Variants in HIBCH observed in about 807,000 individuals in gnomAD.
HIBCH encodes 3-hydroxyisobutyryl-CoA hydrolase.
HIBCH carries 50 observed loss-of-function variants against 58.2 expected under a neutral mutation model. The observed-to-expected ratio is 0.86, with a 90% CI of 0.68 to 1.09. The LOEUF is 1.09. HIBCH is among the 50% of genes least tolerant of loss of function. The probability of loss-of-function intolerance (pLI) is 0.00; values close to 1 mark genes in which losing one functional copy is unlikely to be tolerated. For missense variants in HIBCH, 450 were observed against 449.7 expected, an observed-to-expected ratio of 1.00 and a Z score of -0.01; for synonymous variants, 151 against 146.9, an observed-to-expected ratio of 1.03 and a Z score of -0.20.
intron 11 of HIBCH, among the ~76,000 whole-genome samples, chr2:190,234,198 G>A (rs1033334176): frequency 1.2e-4 from 18 of 152,276 alleles, no homozygotes; most frequent in African/African-American, 3.4e-4. Context: ...GTGAGAATGC[G>A]GAGCAACTAG....
chr2:190,203,964 AC>A lies in HIBCH; in HGVS notation c.*1152del, dbSNP rs1415604034. On this transcript the variant is annotated 3_prime_UTR_variant, in exon 14 of 14. Coordinates refer to ENST00000359678, the MANE Select transcript of HIBCH (RefSeq NM_014362.4). ...TTTTGTTTATAAACAAAAATTACAA[AC>A]AAAAAATTATAAATTTTGTTTGTTA... 1 of 152,082 alleles carries A rather than the reference AC, an allele frequency of 6.6e-6. No homozygotes were observed. The highest frequency in any genetic ancestry group is 2.4e-5 in the African/African-American group (1 of 41,454). The allele number at this position is 152,082 out of a possible 1,614,324, so 9.4% of individuals were successfully genotyped here. A position where few individuals can be genotyped will look rare whatever the true frequency, so the allele number is the denominator to read the frequency against.
downstream of HIBCH, chr2:190,201,444 A>ATTAT (rs1320980729): frequency 6.0e-6 from 1 of 167,054 alleles, no homozygotes; most frequent in Non-Finnish European, 1.5e-5. Flanking sequence ...TGGAAAGGAA[A>ATTAT]TTATTTAAGC....
intron 6 of HIBCH, among the ~76,000 whole-genome samples, chr2:190,266,149 A>C (rs1687229043): frequency 6.6e-6 from 1 of 152,174 alleles, no homozygotes; most frequent in Middle Eastern, 3.2e-3. Context: ...ATCCTTTAAA[A>C]TATATTAAGA....
At chr2:190,287,683 C>A in intron 5 of HIBCH, 45 bp from the exon 6 acceptor site, 2 of 1,403,276 alleles carry the variant, frequency 1.4e-6, no homozygotes, top group Non-Finnish European at 2.0e-6. Context: ...GTTTAAAATA[C>A]ATTCCCTTTT....
chr2:190,208,708 T>C, intron 13 of HIBCH, 172 bp downstream of exon 13: 2 of 644,262 alleles, frequency 3.1e-6, no homozygotes, highest in Non-Finnish European at 5.6e-6. Flanking sequence ...ATTTGCATTA[T>C]ACTTATGGTC....
rs1404441054 is a variant in HIBCH, at chr2:190,211,829, A to G, written c.1011+1127T>C. Among the ~76,000 whole-genome samples, 1 of 152,234 alleles carries G rather than the reference A, an allele frequency of 6.6e-6. No homozygotes were observed. Among genetic ancestry groups the G allele is most frequent in the African/African-American group, 2.4e-5 (1 of 41,468 alleles). ...TCTTATTCAACAATATAAGGCTAAC[A>G]CTGAGCACAGTGCCTGGGACATAGC... On this transcript the variant is annotated intron_variant, in intron 12 of 13. Transcript: ENST00000359678. This position sits in a 1 kb window ranked among gnomAD's most constrained non-coding sequence, Gnocchi z 5.0.
chr2:190,250,396 G>T, intron 8 of HIBCH: 1 of 469,640 alleles, frequency 2.1e-6, no homozygotes. Flanking sequence ...TCTGCCAGAT[G>T]AGAGAGATGG....
chr2:190,255,978 C>A (rs1021661715), intron 7 of HIBCH, among the ~76,000 whole-genome samples: 4 of 152,050 alleles, frequency 2.6e-5, no homozygotes. Context: ...AGGAAACTTA[C>A]GATCATGGCA....
rs112045309 is a variant in HIBCH, at chr2:190,296,277, G to A, written c.219+536C>T. Among the ~76,000 whole-genome samples, 833 of 152,208 alleles carry A rather than the reference G, an allele frequency of 5.5e-3. 5 individuals carry two copies. Among genetic ancestry groups the A allele is most frequent in the African/African-American group, 0.019 (786 of 41,528 alleles). ...CTACTAAAAATACAAAAAATTAGCC[G>A]GGTGTGGTGGCGGGCACCTGTAGTC... is the stretch of plus-strand genomic sequence containing the variant. On this transcript the variant is annotated intron_variant, in intron 3 of 13. Coordinates refer to ENST00000359678, the MANE Select transcript of HIBCH (RefSeq NM_014362.4).
At chr2:190,196,115 T>C (rs925970834) in intron 1 of HIBCH, among the ~76,000 whole-genome samples, 2 of 152,086 alleles carry the variant, frequency 1.3e-5, no homozygotes, top group Admixed American at 1.3e-4. Context: ...GGCTTTTTCA[T>C]ATGTTGGTTT....
At chr2:190,314,341 ATATATGTG>A (rs1208226827) in intron 1 of HIBCH, among the ~76,000 whole-genome samples, 7 of 47,848 alleles carry the variant, frequency 1.5e-4, no homozygotes, top group Non-Finnish European at 3.0e-4. Flanking sequence ...ATATATACAT[ATATATGTG>A]TATATATACG....
At chr2:190,194,477 T>TACACACACACACACACACACAC (rs3083429) in intron 1 of HIBCH, among the ~76,000 whole-genome samples, 2 of 141,370 alleles carry the variant, frequency 1.4e-5, no homozygotes, top group South Asian at 2.3e-4. Context: ...ATCCTGTGTA[T>TACACACACACACACACACACAC]ACACACACAC....
At chr2:190,196,668 A>C (rs1689993603) in intron 1 of HIBCH, among the ~76,000 whole-genome samples, 1 of 151,728 alleles carries the variant, frequency 6.6e-6, no homozygotes, top group Non-Finnish European at 1.5e-5. Flanking sequence ...GTATTGTTTT[A>C]TTTCTTGTTA....
At chr2:190,240,193 T>C (rs1161198441) in intron 11 of HIBCH, among the ~76,000 whole-genome samples, 1 of 152,224 alleles carries the variant, frequency 6.6e-6, no homozygotes, top group Non-Finnish European at 1.5e-5. Context: ...TATTGGTCTA[T>C]TTAGGGATTT....
intron 11 of HIBCH, among the ~76,000 whole-genome samples, chr2:190,242,391 G>A (rs1006976663): frequency 6.6e-6 from 1 of 151,978 alleles, no homozygotes; most frequent in Non-Finnish European, 1.5e-5. Context: ...AAAGGAGTTT[G>A]TTATTACCCA....
intron 6 of HIBCH, among the ~76,000 whole-genome samples, chr2:190,267,128 A>G (rs147696185): frequency 6.6e-6 from 1 of 151,942 alleles, no homozygotes; most frequent in African/African-American, 2.4e-5. Flanking sequence ...ACAGTGTATG[A>G]ATGTTCTAGG....
intron 11 of HIBCH, among the ~76,000 whole-genome samples, chr2:190,237,047 T>C (rs1156999504): frequency 6.6e-6 from 1 of 152,186 alleles, no homozygotes; most frequent in South Asian, 2.1e-4. Flanking sequence ...GCAAATACAA[T>C]GCATACATCT....
intron 13 of HIBCH, among the ~76,000 whole-genome samples, chr2:190,205,478 A>G (rs1463616826): frequency 1.3e-5 from 2 of 152,190 alleles, no homozygotes; most frequent in East Asian, 3.8e-4. Flanking sequence ...GCTTTAATAA[A>G]GCCTACTGAA....
Position 190,281,633 on chromosome 2 carries a change from C to T in HIBCH, c.438+5953G>A, listed in dbSNP as rs1687707273. Among the ~76,000 whole-genome samples the T allele has an allele frequency of 6.6e-6, 1 of 152,188 alleles. No individual in the cohort carries two copies. Among genetic ancestry groups the T allele is most frequent in the Non-Finnish European group, 1.5e-5 (1 of 68,036 alleles). On this transcript the variant is annotated intron_variant, in intron 6 of 13. Coordinates refer to ENST00000359678, the MANE Select transcript of HIBCH (RefSeq NM_014362.4). This position sits in a 1 kb window ranked among gnomAD's most constrained non-coding sequence, Gnocchi z 5.4. ...TGCGCCACACCTTGGTTTCCTCTCC[C>T]AAAAAGTTTTTTCACTCTTTACATG... is the stretch of plus-strand genomic sequence containing the variant.
Sources: allele counts gnomAD v4.1 joint callset (sites outside exome capture counted in the v4.1 genomes callset), GRCh38; gene constraint gnomAD v4.1.1; non-coding constraint Gnocchi (gnomAD v3.1); transcripts MANE v1.5; gene names NCBI Gene and HGNC (gene_info 2026-07-23, HGNC 2026-07-21).